Variants in LSAMP observed in about 807,000 individuals in gnomAD.
LSAMP encodes the protein limbic system-associated membrane protein.
In LSAMP, 7 loss-of-function variants were observed where a neutral mutation model predicts 38.6. That is an observed-to-expected ratio of 0.18 (90% CI 0.10 to 0.34). The LOEUF (loss-of-function observed/expected upper bound fraction) is 0.34. Ranked by LOEUF, LSAMP falls within the 10% of genes least tolerant of loss-of-function variation. LSAMP has a pLI of 1.00. For missense variants in LSAMP, 313 were observed against 420.0 expected (o/e 0.75, Z 2.23); for synonymous variants, 154 against 166.8 (o/e 0.92, Z 0.59).
At chr3:116,237,235 G>C (rs1216752168) in intron 1 of LSAMP, among the ~76,000 whole-genome samples, 2 of 152,088 alleles carry the variant, frequency 1.3e-5, no homozygotes, top group East Asian at 3.8e-4. Flanking sequence ...ATCAGTATTA[G>C]TAACAATACA....
chr3:116,087,150 T>C (rs1708010121), intron 1 of LSAMP, among the ~76,000 whole-genome samples: 2 of 152,210 alleles, frequency 1.3e-5, no homozygotes, highest in African/African-American at 2.4e-5. Context: ...AAACATCATC[T>C]GGCATAAGTT....
intron 1 of LSAMP, among the ~76,000 whole-genome samples, chr3:116,225,817 C>A (rs1472533459): frequency 2.0e-5 from 3 of 151,602 alleles, no homozygotes; most frequent in Non-Finnish European, 4.4e-5. Context: ...CCCCTAAGCA[C>A]TCTTATATTA....
intron 1 of LSAMP, among the ~76,000 whole-genome samples, chr3:116,405,892 T>C (rs565344176): frequency 6.6e-6 from 1 of 152,220 alleles, no homozygotes; most frequent in East Asian, 1.9e-4. Flanking sequence ...AAGTAACTAC[T>C]TGAACATGGA....
chr3:115,827,015 A>G (rs979779123), intron 6 of LSAMP, among the ~76,000 whole-genome samples: 1 of 145,908 alleles, frequency 6.9e-6, no homozygotes, highest in Non-Finnish European at 1.5e-5. Flanking sequence ...CGATAAACTT[A>G]CCTGTGTTCT....
chr3:116,171,671 A>G (rs1290931097), intron 1 of LSAMP, among the ~76,000 whole-genome samples: 1 of 152,122 alleles, frequency 6.6e-6, no homozygotes, highest in Non-Finnish European at 1.5e-5. Context: ...TCTAAATCCA[A>G]AGAATCCAGA....
At chr3:116,109,462 GGAA>G (rs1559746195) in intron 1 of LSAMP, among the ~76,000 whole-genome samples, 1 of 152,234 alleles carries the variant, frequency 6.6e-6, no homozygotes, top group East Asian at 1.9e-4. Context: ...AGGGAAAGAA[GGAA>G]GATTTGGGAC....
At chr3:116,316,495 G>A (rs1396124310) in intron 1 of LSAMP, among the ~76,000 whole-genome samples, 2 of 152,158 alleles carry the variant, frequency 1.3e-5, no homozygotes, top group East Asian at 1.9e-4. Context: ...GGAAAAGGCC[G>A]GGCGCCGTGG....
intron 1 of LSAMP, among the ~76,000 whole-genome samples, chr3:116,135,765 A>G (rs1709233711): frequency 6.6e-6 from 1 of 152,136 alleles, no homozygotes; most frequent in Admixed American, 6.6e-5. Flanking sequence ...AAAGCAATAA[A>G]CTGTGCTTGT....
At chr3:115,871,641 A>AAG (rs1415035721) in intron 3 of LSAMP, among the ~76,000 whole-genome samples, 2 of 94,382 alleles carry the variant, frequency 2.1e-5, no homozygotes, top group South Asian at 6.5e-4. Context: ...CAGAGAGACA[A>AAG]AGAGAGAGAG....
chr3:116,088,615 T>G (rs1354628033), intron 1 of LSAMP, among the ~76,000 whole-genome samples: 3 of 152,212 alleles, frequency 2.0e-5, no homozygotes, highest in African/African-American at 7.2e-5. Flanking sequence ...GGATAGAAAT[T>G]TACCTGTGTA....
intron 1 of LSAMP, among the ~76,000 whole-genome samples, chr3:116,366,227 C>T (rs1024592661): frequency 2.0e-5 from 3 of 151,862 alleles, no homozygotes; most frequent in African/African-American, 7.3e-5. Flanking sequence ...AGACACTTCT[C>T]AAAAGAAAAC....
chr3:116,160,800 A>G (rs1027997988), intron 1 of LSAMP, among the ~76,000 whole-genome samples: 2 of 152,218 alleles, frequency 1.3e-5, no homozygotes, highest in Admixed American at 1.3e-4. Flanking sequence ...ACATTTAAGA[A>G]GTTTGTTTAC....
intron 4 of LSAMP, among the ~76,000 whole-genome samples, chr3:115,843,939 G>T (rs2107508020): frequency 6.6e-6 from 1 of 152,252 alleles, no homozygotes; most frequent in East Asian, 1.9e-4. Flanking sequence ...TTGTTGTTTT[G>T]CTTTAGACTT....
intron 1 of LSAMP, among the ~76,000 whole-genome samples, chr3:116,308,441 C>T (rs1576497726): frequency 6.6e-6 from 1 of 152,002 alleles, no homozygotes; most frequent in Non-Finnish European, 1.5e-5. Context: ...TCAGTCTACA[C>T]TGGATTAATG....
intron 3 of LSAMP, among the ~76,000 whole-genome samples, chr3:115,973,311 T>C (rs2107614683): frequency 6.6e-6 from 1 of 152,360 alleles, no homozygotes; most frequent in Admixed American, 6.5e-5. Flanking sequence ...TAATGCAGGT[T>C]GAGTGTCTCT....
At chr3:116,295,147 A>G (rs371702609) in intron 1 of LSAMP, among the ~76,000 whole-genome samples, 5 of 152,270 alleles carry the variant, frequency 3.3e-5, no homozygotes, top group Admixed American at 3.3e-4. Flanking sequence ...TGAGAGAAAA[A>G]GAAAAAGTAG....
intron 3 of LSAMP, among the ~76,000 whole-genome samples, chr3:115,897,772 T>C (rs187713897): frequency 2.5e-3 from 373 of 152,224 alleles, no homozygotes; most frequent in African/African-American, 8.5e-3. Flanking sequence ...AATAAAAAGA[T>C]GAGCACTGAC....
At chr3:115,875,310 C>G (rs1351389441) in intron 3 of LSAMP, among the ~76,000 whole-genome samples, 1 of 152,082 alleles carries the variant, frequency 6.6e-6, no homozygotes, top group Non-Finnish European at 1.5e-5. Context: ...TCCTCCTGCT[C>G]TCACTCATTG....
At chr3:115,873,681 C>T (rs1171494556) in intron 3 of LSAMP, among the ~76,000 whole-genome samples, 3 of 152,064 alleles carry the variant, frequency 2.0e-5, no homozygotes, top group African/African-American at 7.2e-5. Context: ...TACCAAGTTA[C>T]AGAAAATCTC....
Sources: allele counts gnomAD v4.1 joint callset (sites outside exome capture counted in the v4.1 genomes callset), GRCh38; gene constraint gnomAD v4.1.1; transcripts MANE v1.5; gene names NCBI Gene and HGNC (gene_info 2026-07-23, HGNC 2026-07-21).